CADM2: variants seen among roughly 807,000 people sequenced by gnomAD.
CADM2 encodes the protein cell adhesion molecule 2.
In CADM2, 12 loss-of-function variants were observed where a neutral mutation model predicts 49.8. That is an observed-to-expected ratio of 0.24 (90% CI 0.15 to 0.39). CADM2 has a LOEUF of 0.39. Among genes scored for constraint, CADM2 ranks in the 10% least tolerant of loss-of-function variants. The pLI, the probability that CADM2 is intolerant of heterozygous loss-of-function variation, is 1.00. For missense variants in CADM2, 378 were observed against 492.3 expected (o/e 0.77, Z 2.20); for synonymous variants, 214 against 175.4 (o/e 1.22, Z -1.74).
intron 8 of CADM2, among the ~76,000 whole-genome samples, chr3:86,003,400 C>G (rs1730410305): frequency 6.6e-6 from 1 of 152,130 alleles, no homozygotes; most frequent in African/African-American, 2.4e-5. Context: ...CTGCCAGCAT[C>G]TATGAAACTG....
intron 1 of CADM2, among the ~76,000 whole-genome samples, chr3:85,183,758 C>G (rs2040989934): frequency 6.6e-6 from 1 of 152,068 alleles, no homozygotes; most frequent in South Asian, 2.1e-4. Flanking sequence ...ATTGCAAAGT[C>G]TATAATGCAA....
chr3:85,084,844 CTTTTT>C (rs986643892), intron 1 of CADM2, among the ~76,000 whole-genome samples: 3 of 151,630 alleles, frequency 2.0e-5, no homozygotes, highest in Non-Finnish European at 2.9e-5. Context: ...TTGATTTTTT[CTTTTT>C]TAAGTATAAT....
chr3:85,898,522 C>T (rs2108441546), intron 5 of CADM2, among the ~76,000 whole-genome samples: 1 of 151,722 alleles, frequency 6.6e-6, no homozygotes, highest in Admixed American at 6.6e-5. Context: ...GATTAGTTTG[C>T]ATTTTCTGCA....
At chr3:85,601,026 A>T (rs1197562327) in intron 1 of CADM2, among the ~76,000 whole-genome samples, 1 of 149,822 alleles carries the variant, frequency 6.7e-6, no homozygotes, top group East Asian at 2.0e-4. Flanking sequence ...CATTGCCTCC[A>T]TATGTATATA....
chr3:85,798,191 G>A (rs1421657280), intron 2 of CADM2, among the ~76,000 whole-genome samples: 3 of 150,132 alleles, frequency 2.0e-5, no homozygotes, highest in Non-Finnish European at 4.4e-5. Context: ...TGGATAGATT[G>A]CAAAAATTTT....
rs754535996 is a variant in CADM2, at chr3:86,066,696, T to C, written c.1128T>C (p.Ala376=). The change falls in exon 10 of 10, where the codon GCT becomes GCC. Residue 376 remains alanine (A), a synonymous_variant. Coordinates refer to ENST00000383699, the MANE Select transcript of CADM2 (RefSeq NM_001167675.2). ...ATTTAACAAATGAAGCTAAAGGAGC[T>C]GAAGATGCACCAGATGCTGATACAG... ...GTYLTNEAKG[A]EDAPDADTAI... is the part of the protein sequence containing the mutation. The C allele has an allele frequency of 1.2e-6, 2 of 1,613,926 alleles. No individual in the cohort carries two copies. Among genetic ancestry groups the C allele is most frequent in the Non-Finnish European group, 1.7e-6 (2 of 1,179,816 alleles).
intron 1 of CADM2, among the ~76,000 whole-genome samples, chr3:85,605,320 A>G (rs1291111900): frequency 6.6e-6 from 1 of 152,094 alleles, no homozygotes; most frequent in Non-Finnish European, 1.5e-5. Flanking sequence ...TGTATTCTCC[A>G]GACTTAATCC....
chr3:85,756,161 A>T (rs1559635482), intron 2 of CADM2, among the ~76,000 whole-genome samples: 1 of 150,060 alleles, frequency 6.7e-6, no homozygotes, highest in East Asian at 2.0e-4. Context: ...ACAAAGACCA[A>T]TTTTTTTTTT....
chr3:86,045,858 A>T (rs1182382532), intron 8 of CADM2, among the ~76,000 whole-genome samples: 1 of 152,134 alleles, frequency 6.6e-6, no homozygotes, highest in Admixed American at 6.6e-5. Flanking sequence ...TACCATTCTC[A>T]TCCTCATTTT....
At chr3:84,974,447 G>T (rs1317108952) in intron 1 of CADM2, among the ~76,000 whole-genome samples, 1 of 151,960 alleles carries the variant, frequency 6.6e-6, no homozygotes, top group Non-Finnish European at 1.5e-5. Context: ...TAAATGGCTA[G>T]AGTATAGTTT....
At chr3:85,709,388 T>C (rs2067045576) in intron 1 of CADM2, among the ~76,000 whole-genome samples, 1 of 152,142 alleles carries the variant, frequency 6.6e-6, no homozygotes, top group African/African-American at 2.4e-5. Context: ...AGTGACACCA[T>C]ATTACACTGT....
intron 1 of CADM2, among the ~76,000 whole-genome samples, chr3:85,042,733 A>G (rs1476863588): frequency 1.3e-5 from 2 of 152,204 alleles, no homozygotes; most frequent in African/African-American, 2.4e-5. Context: ...TAGCAGTCTC[A>G]GGTCTCTTCC....
At chr3:85,412,596 T>A (rs1409705412) in intron 1 of CADM2, among the ~76,000 whole-genome samples, 3 of 151,828 alleles carry the variant, frequency 2.0e-5, no homozygotes, top group African/African-American at 7.3e-5. Flanking sequence ...CATGGTTACA[T>A]CAACTGGATA....
At chr3:84,987,075 A>G (rs2032613956) in intron 1 of CADM2, among the ~76,000 whole-genome samples, 1 of 151,896 alleles carries the variant, frequency 6.6e-6, no homozygotes, top group African/African-American at 2.4e-5. Context: ...AAACAAAACA[A>G]AAAAGAGTTT....
intron 4 of CADM2, among the ~76,000 whole-genome samples, chr3:85,885,566 C>T (rs1713492374): frequency 6.6e-6 from 1 of 151,546 alleles, no homozygotes; most frequent in South Asian, 2.1e-4. Flanking sequence ...CCTGTAATCC[C>T]AGCTACTCAG....
chr3:85,513,359 A>C (rs1464479189), intron 1 of CADM2, among the ~76,000 whole-genome samples: 1 of 152,050 alleles, frequency 6.6e-6, no homozygotes, highest in Non-Finnish European at 1.5e-5. Context: ...AAAAAAGGAC[A>C]AAGTATTTTA....
intron 3 of CADM2, among the ~76,000 whole-genome samples, chr3:85,877,447 G>A (rs1712046854): frequency 6.6e-6 from 1 of 151,970 alleles, no homozygotes; most frequent in Non-Finnish European, 1.5e-5. Context: ...TAGGTTCACT[G>A]TATATTTGGG....
chr3:85,296,009 T>C (rs78511823), intron 1 of CADM2, among the ~76,000 whole-genome samples: 2,582 of 152,212 alleles, frequency 0.017, 35 homozygotes, highest in South Asian at 0.031. Flanking sequence ...CAGATGTCTC[T>C]ATTTAAAATG....
intron 1 of CADM2, among the ~76,000 whole-genome samples, chr3:85,519,832 A>G (rs965518126): frequency 6.6e-6 from 1 of 152,104 alleles, no homozygotes; most frequent in Non-Finnish European, 1.5e-5. Flanking sequence ...TTTTAAATAT[A>G]TGAATACAAG....
Sources: allele counts gnomAD v4.1 joint callset (sites outside exome capture counted in the v4.1 genomes callset), GRCh38; gene constraint gnomAD v4.1.1; transcripts MANE v1.5; gene names NCBI Gene and HGNC (gene_info 2026-07-23, HGNC 2026-07-21).